The following SLC1A1 variants were observed in gnomAD, a reference collection of about 807,000 sequenced individuals.
SLC1A1 encodes the protein excitatory amino acid transporter 3.
SLC1A1 carries 43 observed loss-of-function variants against 53.3 expected under a neutral mutation model. That is an observed-to-expected ratio of 0.81 (90% CI 0.63 to 1.04). The LOEUF is 1.04. Ranked by LOEUF, SLC1A1 falls within the 50% of genes least tolerant of loss-of-function variation. The pLI is 0.00. For synonymous variants in SLC1A1, 307 were observed against 243.2 expected, an observed-to-expected ratio of 1.26 and a Z score of -2.44; for missense variants, 748 against 664.9, an observed-to-expected ratio of 1.12 and a Z score of -1.37.
At chr9:4,513,987 CA>C (rs912952475) in intron 1 of SLC1A1, among the ~76,000 whole-genome samples, 2 of 152,092 alleles carry the variant, frequency 1.3e-5, no homozygotes, top group Admixed American at 6.6e-5. Context: ...CTCAAAAAGA[CA>C]AAACCATAGT....
intron 1 of SLC1A1, among the ~76,000 whole-genome samples, chr9:4,530,868 T>C (rs1586718336): frequency 6.6e-6 from 1 of 152,238 alleles, no homozygotes; most frequent in Non-Finnish European, 1.5e-5. Flanking sequence ...CTTTCTTACC[T>C]TAAAACTTAA....
intron 3 of SLC1A1, among the ~76,000 whole-genome samples, chr9:4,563,556 T>C (rs1320942580): frequency 1.3e-5 from 2 of 152,176 alleles, no homozygotes; most frequent in Non-Finnish European, 2.9e-5. Flanking sequence ...TGGATTACCA[T>C]TGCCTCTTCT....
intron 1 of SLC1A1, among the ~76,000 whole-genome samples, chr9:4,537,999 A>T (rs935732802): frequency 2.0e-5 from 3 of 152,226 alleles, no homozygotes; most frequent in Non-Finnish European, 4.4e-5. Context: ...CAGAATACAG[A>T]TTGTAAATAA....
chr9:4,499,052 T>TC (rs1261066115), intron 1 of SLC1A1, among the ~76,000 whole-genome samples: 1 of 139,316 alleles, frequency 7.2e-6, no homozygotes, highest in Non-Finnish European at 1.5e-5. Context: ...ATATATATCT[T>TC]TTTTTTTTTT....
rs370808830 is a variant in SLC1A1, at chr9:4,513,975, G to A, written c.91+23205G>A. The stretch of plus-strand genomic sequence containing the variant: ...AGAATATGATTCCATCTGCATGATA[G>A]CCTCAAAAAGACAAAACCATAGTGG... On this transcript the variant is annotated intron_variant, in intron 1 of 11. Coordinates refer to ENST00000262352, the MANE Select transcript of SLC1A1 (RefSeq NM_004170.6). Among the ~76,000 whole-genome samples the A allele has an allele frequency of 1.4e-4, 21 of 152,296 alleles. No homozygotes were observed. The South Asian group carries it at 2.7e-3, about 20-fold the overall frequency.
intron 1 of SLC1A1, among the ~76,000 whole-genome samples, chr9:4,507,588 C>G (rs1418409562): frequency 6.6e-6 from 1 of 152,104 alleles, no homozygotes; most frequent in African/African-American, 2.4e-5. Flanking sequence ...GAAGGGTGAA[C>G]AGTTAGCAGT....
chr9:4,534,794 T>C (rs959874071), intron 1 of SLC1A1, among the ~76,000 whole-genome samples: 3 of 152,146 alleles, frequency 2.0e-5, no homozygotes, highest in African/African-American at 4.8e-5. Flanking sequence ...TGAACATCGA[T>C]GCAAAAATCC....
intron 1 of SLC1A1, among the ~76,000 whole-genome samples, chr9:4,541,592 A>G (rs902771673): frequency 1.3e-5 from 2 of 152,228 alleles, no homozygotes; most frequent in East Asian, 1.9e-4. Flanking sequence ...TTAGTAATTT[A>G]TAACACTTTA....
At chr9:4,520,319 G>T (rs979631460) in intron 1 of SLC1A1, among the ~76,000 whole-genome samples, 1 of 152,134 alleles carries the variant, frequency 6.6e-6, no homozygotes, top group Non-Finnish European at 1.5e-5. Context: ...GTTTCACTGT[G>T]ATGTCAGCAG....
intron 1 of SLC1A1, 60 bp from the exon 2 acceptor site, chr9:4,544,507 T>C (rs973188316): frequency 2.1e-5 from 32 of 1,490,646 alleles, no homozygotes; most frequent in Non-Finnish European, 3.0e-5. Flanking sequence ...TCCATAGACA[T>C]AGATACAGGA....
intron 4 of SLC1A1, 77 bp downstream of exon 4, chr9:4,564,535 GC>G: frequency 1.2e-6 from 1 of 844,628 alleles, no homozygotes; most frequent in Non-Finnish European, 2.0e-6. Context: ...TTAATATTCT[GC>G]TGTTACTGTA....
intron 4 of SLC1A1, among the ~76,000 whole-genome samples, chr9:4,564,795 C>G (rs1242382857): frequency 6.6e-6 from 1 of 152,128 alleles, no homozygotes; most frequent in Non-Finnish European, 1.5e-5. Flanking sequence ...GAGAAACTCT[C>G]TTATCTAAAG....
intron 5 of SLC1A1, among the ~76,000 whole-genome samples, chr9:4,566,968 A>G (rs1819549671): frequency 6.6e-6 from 1 of 152,176 alleles, no homozygotes; most frequent in South Asian, 2.1e-4. Flanking sequence ...TCCACGAGGG[A>G]CAGAACCTCC....
At chr9:4,572,736 A>G (rs548418882) in intron 7 of SLC1A1, among the ~76,000 whole-genome samples, 8 of 152,196 alleles carry the variant, frequency 5.3e-5, no homozygotes, top group Admixed American at 4.6e-4. Context: ...TTTTGTAGAG[A>G]CAGGGTTTTG....
intron 1 of SLC1A1, among the ~76,000 whole-genome samples, chr9:4,511,281 C>G (rs1000661513): frequency 5.9e-5 from 9 of 152,126 alleles, no homozygotes; most frequent in Non-Finnish European, 1.3e-4. Flanking sequence ...GATTCCGTGT[C>G]TGCTGAGGGC....
At position 4,490,679 on chromosome 9, in the gene SLC1A1, C is replaced by G; in HGVS notation, c.-1C>G. 1 of 1,612,378 alleles carries G rather than the reference C, an allele frequency of 6.2e-7. No homozygotes were observed. Among genetic ancestry groups the G allele is most frequent in the Non-Finnish European group, 8.5e-7 (1 of 1,178,758 alleles). On this transcript the variant is annotated 5_prime_UTR_variant, in exon 1 of 12. Coordinates refer to ENST00000262352, the MANE Select transcript of SLC1A1 (RefSeq NM_004170.6). ...CCCAGCGCACAATAGCGGCGACAGC[C>G]ATGGGGAAACCGGCGAGGAAAGGAT...
chr9:4,498,265 T>C (rs1332700582), intron 1 of SLC1A1, among the ~76,000 whole-genome samples: 1 of 152,202 alleles, frequency 6.6e-6, no homozygotes, highest in Non-Finnish European at 1.5e-5. Context: ...ATCAGTGACA[T>C]AGGGATAATC....
chr9:4,500,744 T>C (rs1202205544), intron 1 of SLC1A1, among the ~76,000 whole-genome samples: 1 of 152,230 alleles, frequency 6.6e-6, no homozygotes, highest in Non-Finnish European at 1.5e-5. Flanking sequence ...AGTGTTTCAG[T>C]GACTCACTCT....
intron 2 of SLC1A1, among the ~76,000 whole-genome samples, chr9:4,547,162 C>A (rs1230874251): frequency 6.6e-6 from 1 of 152,150 alleles, no homozygotes; most frequent in Admixed American, 6.5e-5. Flanking sequence ...GGAAGTATAG[C>A]CTTTGGCCAG....
Sources: gnomAD v4.1 joint callset for allele counts (sites outside exome capture counted in the v4.1 genomes callset) on GRCh38, gnomAD v4.1.1 for gene constraint, MANE v1.5 for transcripts, NCBI Gene and HGNC (gene_info 2026-07-23, HGNC 2026-07-21) for gene names.